Variants in DNAH7 observed in about 807,000 individuals in gnomAD.
DNAH7 encodes the protein dynein axonemal heavy chain 7.
Under a neutral mutation model 444.6 loss-of-function variants are expected in DNAH7, and 397 were observed. The observed-to-expected ratio is 0.89, with a 90% CI of 0.82 to 0.97. The LOEUF is 0.97. Among genes scored for constraint, DNAH7 ranks in the 50% least tolerant of loss-of-function variants. DNAH7 has a pLI of 0.00. For synonymous variants in DNAH7, 1,636 were observed against 1,624.4 expected, an observed-to-expected ratio of 1.01 and a Z score of -0.17; for missense variants, 4,902 against 4,800.8, an observed-to-expected ratio of 1.02 and a Z score of -0.62.
intron 63 of DNAH7, among the ~76,000 whole-genome samples, chr2:195,746,899 G>C (rs964868466): frequency 6.6e-6 from 1 of 152,084 alleles, no homozygotes; most frequent in African/African-American, 2.4e-5. Context: ...AAGTAGGAAA[G>C]ATCCAAAATT....
At chr2:195,832,761 G>T (rs1184390802) in intron 48 of DNAH7, among the ~76,000 whole-genome samples, 1 of 152,044 alleles carries the variant, frequency 6.6e-6, no homozygotes, top group Non-Finnish European at 1.5e-5. Context: ...TATTTAAGGT[G>T]CCAGTTCCTT....
chr2:195,900,549 A>G, intron 27 of DNAH7, 55 bp from the exon 28 acceptor site: 1 of 1,526,284 alleles, frequency 6.6e-7, no homozygotes. Context: ...TAAGCTAGGC[A>G]TGGAAAGATA....
intron 18 of DNAH7, among the ~76,000 whole-genome samples, chr2:195,958,709 T>C (rs1025379636): frequency 6.6e-6 from 1 of 152,218 alleles, no homozygotes; most frequent in African/African-American, 2.4e-5. Context: ...AGAATAAATA[T>C]AATTACTCCA....
chr2:195,882,123 C>T lies in DNAH7; in HGVS notation c.5764-131G>A, dbSNP rs1701420180. 3 of 676,702 alleles carry T rather than the reference C, an allele frequency of 4.4e-6. No homozygotes were observed. In the Admixed American group the frequency reaches 9.1e-5, roughly 20 times the overall value. 41.9% of individuals were successfully genotyped at this position (676,702 alleles called of 1,614,324 possible). A position where few individuals can be genotyped will look rare whatever the true frequency, so the allele number is the denominator to read the frequency against. ...TATACATTTGTTTTATCCTTTAAGA[C>T]ACTTTACACTCAGTTTGAAGGTTAA... is the stretch of plus-strand genomic sequence containing the variant. On this transcript the variant is annotated intron_variant, in intron 35 of 64. Transcript: ENST00000312428.
At chr2:196,025,169 T>C (rs544582972) in intron 7 of DNAH7, among the ~76,000 whole-genome samples, 3 of 151,792 alleles carry the variant, frequency 2.0e-5, no homozygotes, top group South Asian at 2.1e-4. Flanking sequence ...GGGAGGGGAG[T>C]GTCCTGGAAC....
rs553363499 is a variant in DNAH7, at chr2:195,776,272, C to T, written c.11065-289G>A. 3.0e-3 allele frequency among the ~76,000 whole-genome samples: 458 copies of T among 152,050 alleles called. 3 individuals are homozygous for T. The highest frequency in any genetic ancestry group is 0.011 in the African/African-American group (436 of 41,476). On this transcript the variant is annotated intron_variant, in intron 59 of 64. Coordinates refer to ENST00000312428, the MANE Select transcript of DNAH7 (RefSeq NM_018897.3). ...CAGCCTGACCAACATGGAGAAACCCCGTCTCTCCTAAAAATACAAAATTAG... is the reference window on the plus strand; with the variant it reads ...CAGCCTGACCAACATGGAGAAACCCTGTCTCTCCTAAAAATACAAAATTAG...
At chr2:196,002,824 A>T (rs1026159568) in intron 10 of DNAH7, among the ~76,000 whole-genome samples, 1 of 152,046 alleles carries the variant, frequency 6.6e-6, no homozygotes, top group Non-Finnish European at 1.5e-5. Context: ...CCTGGCCAAC[A>T]TGGTGAAACC....
intron 54 of DNAH7, 37 bp downstream of exon 54, chr2:195,806,703 T>C (rs1696730813): frequency 1.3e-6 from 2 of 1,577,186 alleles, no homozygotes; most frequent in Non-Finnish European, 1.7e-6. Flanking sequence ...GCATAAGGCT[T>C]TGGAATCATT....
Position 195,817,804 on chromosome 2 carries a change from G to A in DNAH7, c.9317C>T (p.Thr3106Ile). 1.9e-6 allele frequency: 3 copies of A among 1,603,784 alleles called. No individual in the cohort carries two copies. The highest frequency in any genetic ancestry group is 2.5e-6 in the Non-Finnish European group (3 of 1,176,536). ...AAGCTGATCTTGCATTCCCTCAGGG[G>A]TTATCATGAAGTTTAATAATGTTAC... Reference protein sequence around the residue: ...VKVTLLNFMITPEGMQDQLLG... With the variant: ...VKVTLLNFMIIPEGMQDQLLG... The change falls in exon 50 of 65, where the codon ACC becomes ATC. Residue 3106 changes from threonine to isoleucine, a missense_variant. By Grantham distance (89) the Thr-to-Ile change is moderately conservative (BLOSUM62 -1). Coordinates refer to ENST00000312428, the MANE Select transcript of DNAH7 (RefSeq NM_018897.3).
intron 51 of DNAH7, among the ~76,000 whole-genome samples, chr2:195,810,947 G>A (rs531262287): frequency 6.6e-6 from 1 of 152,246 alleles, no homozygotes; most frequent in East Asian, 1.9e-4. Context: ...GGTCTTTTCA[G>A]AGTAAAACAA....
chr2:195,744,696 C>T (rs1470166815), intron 63 of DNAH7, among the ~76,000 whole-genome samples: 3 of 152,128 alleles, frequency 2.0e-5, no homozygotes, highest in Non-Finnish European at 2.9e-5. Context: ...TCACGGTTCA[C>T]GAAAATCCGC....
At chr2:195,883,789 G>A (rs919020394) in intron 35 of DNAH7, among the ~76,000 whole-genome samples, 1 of 152,112 alleles carries the variant, frequency 6.6e-6, no homozygotes, top group African/African-American at 2.4e-5. Flanking sequence ...AAGCAATACA[G>A]TAATGCCTTT....
intron 48 of DNAH7, among the ~76,000 whole-genome samples, chr2:195,828,709 T>G (rs1697915123): frequency 6.6e-6 from 1 of 151,740 alleles, no homozygotes; most frequent in Admixed American, 6.6e-5. Flanking sequence ...CTTTCGTATT[T>G]AATTTTTAAA....
At chr2:195,932,692 G>C (rs1015531875) in intron 21 of DNAH7, among the ~76,000 whole-genome samples, 8 of 152,086 alleles carry the variant, frequency 5.3e-5, no homozygotes, top group Middle Eastern at 3.4e-3. Flanking sequence ...GGTTTTTGTC[G>C]TTGGTTCTGT....
intron 36 of DNAH7, among the ~76,000 whole-genome samples, chr2:195,878,511 G>T (rs532483641): frequency 6.6e-6 from 1 of 152,166 alleles, no homozygotes. Flanking sequence ...GAAGTGGGGG[G>T]ATCACTTGAG....
chr2:196,056,629 T>G (rs990487866), intron 2 of DNAH7, among the ~76,000 whole-genome samples: 4 of 151,934 alleles, frequency 2.6e-5, no homozygotes, highest in Non-Finnish European at 5.9e-5. Flanking sequence ...CCTCCTCAGG[T>G]GATCAATTCC....
chr2:195,799,385 C>T lies in DNAH7; in HGVS notation c.10264G>A (p.Gly3422Arg). ...PPPFDLAKAFGDSNCCAPLIF... is the reference protein window; with the variant it reads ...PPPFDLAKAFRDSNCCAPLIF... ...AGTGGTGCACAGCAGTTACTGTCTC[C>T]AAATGCCTTGGCTAAATCAAAGGGG... The change falls in exon 55 of 65, where the codon GGA becomes AGA. Residue 3422 changes from glycine to arginine, a missense_variant. Gly to Arg is a moderately radical substitution (Grantham distance 125). Transcript: ENST00000312428. 6.2e-7 allele frequency: 1 copy of T among 1,612,502 alleles called. No individual in the cohort carries two copies. Among genetic ancestry groups the T allele is most frequent in the Non-Finnish European group, 8.5e-7 (1 of 1,179,242 alleles).
chr2:195,739,881 CT>C (rs1423172377), intron 64 of DNAH7, among the ~76,000 whole-genome samples: 1 of 152,170 alleles, frequency 6.6e-6, no homozygotes, highest in Non-Finnish European at 1.5e-5. Flanking sequence ...AACAAGTGTC[CT>C]TTTCGTGGCC....
At chr2:195,861,978 T>A (rs1700042560) in intron 41 of DNAH7, 32 bp from the exon 42 acceptor site, 2 of 1,532,610 alleles carry the variant, frequency 1.3e-6, no homozygotes, top group Non-Finnish European at 9.0e-7. Flanking sequence ...TAGCATTTTA[T>A]TAAGATTACG....
Sources: allele counts gnomAD v4.1 joint callset (sites outside exome capture counted in the v4.1 genomes callset), GRCh38; gene constraint gnomAD v4.1.1; transcripts MANE v1.5; gene names NCBI Gene and HGNC (gene_info 2026-07-23, HGNC 2026-07-21).